The following NAALADL2 variants were observed in gnomAD, a reference collection of about 807,000 sequenced individuals.
The protein encoded by NAALADL2 is N-acetylated alpha-linked acidic dipeptidase like 2, also known as inactive N-acetylated-alpha-linked acidic dipeptidase-like protein 2.
NAALADL2 carries 76 observed loss-of-function variants against 87.2 expected under a neutral mutation model. That is an observed-to-expected ratio of 0.87 (90% CI 0.72 to 1.05). The LOEUF (loss-of-function observed/expected upper bound fraction) is 1.05, where lower values mean the gene tolerates loss of function less well. Among genes scored for constraint, NAALADL2 ranks in the 50% least tolerant of loss-of-function variants. The pLI, the probability that NAALADL2 is intolerant of heterozygous loss-of-function variation, is 0.00. For synonymous variants in NAALADL2, 354 were observed against 331.0 expected, an observed-to-expected ratio of 1.07 and a Z score of -0.75; for missense variants, 1,089 against 945.8, an observed-to-expected ratio of 1.15 and a Z score of -1.99.
chr3:175,763,579 G>A (rs1748316946), intron 13 of NAALADL2, among the ~76,000 whole-genome samples: 1 of 152,112 alleles, frequency 6.6e-6, no homozygotes, highest in Non-Finnish European at 1.5e-5. Context: ...GAAACAGAAA[G>A]ATCTTTGATT....
At chr3:174,987,752 G>A (rs938600463) in intron 1 of NAALADL2, among the ~76,000 whole-genome samples, 1 of 143,302 alleles carries the variant, frequency 7.0e-6, no homozygotes, top group Non-Finnish European at 1.5e-5. Context: ...TCAGCCTTCT[G>A]AGTAGCTAGG....
chr3:174,730,690 C>A (rs1314197723), intron 2 of NAALADL2, among the ~76,000 whole-genome samples: 1 of 151,836 alleles, frequency 6.6e-6, no homozygotes, highest in African/African-American at 2.4e-5. Context: ...ATTTTTTTAA[C>A]CTTTATGTAG....
intron 13 of NAALADL2, among the ~76,000 whole-genome samples, chr3:175,792,681 T>C (rs7609959): frequency 0.13 from 19,229 of 152,180 alleles, 2,504 homozygotes; most frequent in African/African-American, 0.33. Flanking sequence ...ATATATTTGA[T>C]TGAAAAGAAC....
intron 11 of NAALADL2, among the ~76,000 whole-genome samples, chr3:175,674,773 G>C (rs111537475): frequency 1.7e-3 from 257 of 152,106 alleles, no homozygotes; most frequent in Non-Finnish European, 3.1e-3. Context: ...ACTTAATTTG[G>C]TCTTTTGATG....
At chr3:174,446,217 A>T (rs555744372) in intron 1 of NAALADL2, among the ~76,000 whole-genome samples, 2 of 152,296 alleles carry the variant, frequency 1.3e-5, no homozygotes, top group East Asian at 3.9e-4. Flanking sequence ...GTACAATTTG[A>T]TAGGAATATA....
At chr3:175,335,941 G>T (rs1290233861) in intron 5 of NAALADL2, among the ~76,000 whole-genome samples, 1 of 152,104 alleles carries the variant, frequency 6.6e-6, no homozygotes, top group Non-Finnish European at 1.5e-5. Flanking sequence ...AGCTCTGTCT[G>T]CTGGAAACGT....
chr3:174,634,828 C>T (rs1237776909), intron 2 of NAALADL2, among the ~76,000 whole-genome samples: 3 of 151,732 alleles, frequency 2.0e-5, no homozygotes, highest in African/African-American at 7.3e-5. Context: ...ATAATTTTGT[C>T]ATTTTTTGAT....
intron 4 of NAALADL2, among the ~76,000 whole-genome samples, chr3:175,316,597 G>A (rs993884181): frequency 6.6e-6 from 1 of 152,108 alleles, no homozygotes. Flanking sequence ...ACCCTAAGAG[G>A]TACTGAGCAG....
chr3:174,968,795 C>T (rs574483433), intron 1 of NAALADL2, among the ~76,000 whole-genome samples: 45 of 152,100 alleles, frequency 3.0e-4, no homozygotes, highest in African/African-American at 1.0e-3. Flanking sequence ...TTTTAAAAGT[C>T]CTTTAGGTCT....
At chr3:175,418,650 T>C (rs903655567) in intron 5 of NAALADL2, among the ~76,000 whole-genome samples, 10 of 152,038 alleles carry the variant, frequency 6.6e-5, no homozygotes, top group Non-Finnish European at 1.2e-4. Context: ...AATTTAGAAG[T>C]GATAGTTACA....
intron 4 of NAALADL2, among the ~76,000 whole-genome samples, chr3:175,259,794 A>G (rs1321513070): frequency 6.6e-6 from 1 of 152,206 alleles, no homozygotes. Context: ...CTGTAATGCC[A>G]GCACCTTTGG....
intron 11 of NAALADL2, among the ~76,000 whole-genome samples, chr3:175,711,350 A>C (rs1740506576): frequency 6.6e-6 from 1 of 151,932 alleles, no homozygotes; most frequent in Non-Finnish European, 1.5e-5. Context: ...TTTTATCAGA[A>C]TCGTACTTTG....
chr3:175,049,527 G>C (rs562812117), intron 1 of NAALADL2, among the ~76,000 whole-genome samples: 1 of 152,178 alleles, frequency 6.6e-6, no homozygotes, highest in Non-Finnish European at 1.5e-5. Context: ...CAATGCTATC[G>C]TCAGGACTCC....
rs1307164853 is a variant in NAALADL2, at chr3:175,314,694, A to AAC, written c.940-9481_940-9480insAC. Among the ~76,000 whole-genome samples the AAC allele has an allele frequency of 1.1e-3, 87 of 82,734 alleles. 2 individuals are homozygous for AAC. Among genetic ancestry groups the AAC allele is most frequent in the Non-Finnish European group, 1.7e-3 (74 of 42,894 alleles). The allele number at this position is 82,734 out of a possible 152,430, so 54.3% of individuals were successfully genotyped here. A position where few individuals can be genotyped will look rare whatever the true frequency, so the allele number is the denominator to read the frequency against. ...TATATATATATATATATATATATAT[A>AAC]TATATATATATATATATATATATAT... On this transcript the variant is annotated intron_variant, in intron 4 of 13. Transcript: ENST00000454872.
intron 11 of NAALADL2, among the ~76,000 whole-genome samples, chr3:175,635,915 A>G (rs536879941): frequency 1.3e-5 from 2 of 152,242 alleles, no homozygotes; most frequent in South Asian, 4.1e-4. Context: ...TAATAAAAAG[A>G]TTTAAAAGCT....
chr3:175,212,035 G>A (rs759305294), intron 2 of NAALADL2, among the ~76,000 whole-genome samples: 1 of 151,828 alleles, frequency 6.6e-6, no homozygotes, highest in Non-Finnish European at 1.5e-5. Flanking sequence ...CGCACCTGTG[G>A]GATAACTGTT....
chr3:175,416,731 A>G (rs1429967125), intron 5 of NAALADL2, among the ~76,000 whole-genome samples: 1 of 152,170 alleles, frequency 6.6e-6, no homozygotes, highest in Non-Finnish European at 1.5e-5. Context: ...GCTCTTTTCT[A>G]CATTCAAATT....
At position 175,096,975 on chromosome 3, in the gene NAALADL2, T is replaced by G. The variant is rs768181461; in HGVS notation, c.229T>G (p.Ser77Ala). ...DGAENQNLGHSETIDLNLDSI... is the reference protein window; with the variant it reads ...DGAENQNLGHAETIDLNLDSI... ...TGCTGAGAATCAGAACCTAGGGCAT[T>G]CAGAGACTATAGACCTCAATCTTGA... The change falls in exon 2 of 14, where the codon TCA becomes GCA. Residue 77 changes from serine to alanine, a missense_variant. Transcript: ENST00000454872. The G allele has an allele frequency of 4.3e-6, 7 of 1,613,404 alleles. No homozygotes were observed. The highest frequency in any genetic ancestry group is 5.9e-6 in the Non-Finnish European group (7 of 1,179,640).
At chr3:175,283,618 T>C (rs2110094994) in intron 4 of NAALADL2, among the ~76,000 whole-genome samples, 1 of 152,222 alleles carries the variant, frequency 6.6e-6, no homozygotes, top group Admixed American at 6.5e-5. Flanking sequence ...GAATTCAACA[T>C]AAAGTTATGG....
Sources: gnomAD v4.1 joint callset for allele counts (sites outside exome capture counted in the v4.1 genomes callset) on GRCh38, gnomAD v4.1.1 for gene constraint, MANE v1.5 for transcripts, NCBI Gene and HGNC (gene_info 2026-07-23, HGNC 2026-07-21) for gene names.